The following UNC80 variants were observed in gnomAD, a reference collection of about 807,000 sequenced individuals.
UNC80 encodes the protein unc-80 subunit of NALCN channel complex, also known as protein unc-80 homolog.
UNC80 carries 164 observed loss-of-function variants against 384.6 expected under a neutral mutation model. The ratio of observed to expected loss-of-function variants is 0.43; its 90% CI spans 0.38 to 0.49. The LOEUF (loss-of-function observed/expected upper bound fraction) is 0.49. Ranked by LOEUF, UNC80 falls within the 20% of genes least tolerant of loss-of-function variation. The pLI, the probability that UNC80 is intolerant of heterozygous loss-of-function variation, is 0.00. For missense variants in UNC80, 3,330 were observed against 4,143.0 expected (o/e 0.80, Z 5.39); for synonymous variants, 1,486 against 1,527.8 (o/e 0.97, Z 0.64).
intron 22 of UNC80, among the ~76,000 whole-genome samples, chr2:209,858,801 T>C (rs772204123): frequency 2.6e-5 from 4 of 152,158 alleles, no homozygotes; most frequent in Admixed American, 2.0e-4. Context: ...CAGATTGTGA[T>C]TACTGACATA....
chr2:209,977,417 G>T (rs13426807), intron 58 of UNC80, among the ~76,000 whole-genome samples: 17,413 of 151,934 alleles, frequency 0.11, 2,597 homozygotes, highest in African/African-American at 0.34. Flanking sequence ...ATTTCCTTTT[G>T]GAAAAAGAGA....
intron 29 of UNC80, among the ~76,000 whole-genome samples, chr2:209,909,719 G>A (rs1284578087): frequency 1.3e-5 from 2 of 152,102 alleles, no homozygotes; most frequent in Non-Finnish European, 2.9e-5. Flanking sequence ...AATCAAAAGT[G>A]GTCAGGATGC....
intron 29 of UNC80, among the ~76,000 whole-genome samples, chr2:209,909,932 A>G (rs1356630708): frequency 2.0e-5 from 3 of 151,912 alleles, no homozygotes; most frequent in East Asian, 3.9e-4. Flanking sequence ...AGAGGAATTA[A>G]TCACTAATTT....
At chr2:209,840,485 TTTAA>T in intron 19 of UNC80, 53 bp from the exon 20 acceptor site, 2 of 1,427,754 alleles carry the variant, frequency 1.4e-6, no homozygotes, top group Non-Finnish European at 1.9e-6. Context: ...GACATTTCTG[TTTAA>T]TTGATTGGAT....
chr2:209,844,483 C>CTTTTT (rs1559186010), intron 21 of UNC80, among the ~76,000 whole-genome samples: 1 of 70,936 alleles, frequency 1.4e-5, no homozygotes, highest in Non-Finnish European at 2.8e-5. Flanking sequence ...TTCTTTCCTT[C>CTTTTT]CTTCCTTCCT....
rs112766217 is a variant in UNC80 at position 209,914,490 on chromosome 2, A to T, written c.5029+550A>T. 2.9e-3 allele frequency among the ~76,000 whole-genome samples: 434 copies of T among 152,256 alleles called. 1 individual carries two copies. The highest frequency in any genetic ancestry group is 9.9e-3 in the African/African-American group (413 of 41,526). On this transcript the variant is annotated intron_variant, in intron 31 of 64. Coordinates refer to ENST00000673920, the MANE Select transcript of UNC80 (RefSeq NM_001371986.1). ...TAATTTCAAAATACACGTGATAAAAATTCAAGTAATACAAAATTGTATGAA... is the reference window on the plus strand; with the variant it reads ...TAATTTCAAAATACACGTGATAAAATTTCAAGTAATACAAAATTGTATGAA...
intron 51 of UNC80, among the ~76,000 whole-genome samples, chr2:209,964,111 CAA>C (rs1367869571): frequency 6.6e-6 from 1 of 152,176 alleles, no homozygotes; most frequent in African/African-American, 2.4e-5. Flanking sequence ...TAGATCCTTT[CAA>C]ACAGTTATTC....
intron 21 of UNC80, among the ~76,000 whole-genome samples, chr2:209,847,568 T>C (rs1344839045): frequency 1.3e-5 from 2 of 152,024 alleles, no homozygotes; most frequent in Non-Finnish European, 2.9e-5. Flanking sequence ...TGTCAGTGAA[T>C]GTTTTGATGA....
intron 22 of UNC80, among the ~76,000 whole-genome samples, chr2:209,856,260 A>G (rs1036723933): frequency 6.6e-6 from 1 of 152,112 alleles, no homozygotes; most frequent in African/African-American, 2.4e-5. Context: ...CTTTGGTAAA[A>G]TATTTCATTT....
In UNC80 at chr2:209,840,556, A is replaced by G; in HGVS notation, c.3265A>G (p.Arg1089Gly). Residue 1089 changes from arginine to glycine, a missense_variant, in exon 20 of 65, where the codon AGA (arginine) becomes GGA (glycine). Arg to Gly is a moderately radical substitution (Grantham distance 125). Around this residue, in one of 8 missense-constraint regions of UNC80, gnomAD observed 801 missense variants for 950.8 expected, o/e 0.84. Coordinates refer to ENST00000673920, the MANE Select transcript of UNC80 (RefSeq NM_001371986.1). ...CTATTAAATAGGGAACTGGCTGAAG[A>G]GATCATCCCTCTCAGGCCTGGCAGA... ...LKLPIGNWLK[R>G]SSLSGLADGV... 1.3e-6 allele frequency: 2 copies of G among 1,551,728 alleles called. No homozygotes were observed. The highest frequency in any genetic ancestry group is 2.4e-5 in the South Asian group (2 of 84,056).
chr2:209,814,329 G>T (rs777167972), intron 8 of UNC80, among the ~76,000 whole-genome samples: 1 of 151,682 alleles, frequency 6.6e-6, no homozygotes, highest in Non-Finnish European at 1.5e-5. Flanking sequence ...TCCGCCTACC[G>T]GGTTCACGCC....
intron 56 of UNC80, among the ~76,000 whole-genome samples, chr2:209,974,402 T>C (rs1047565042): frequency 6.6e-6 from 1 of 152,180 alleles, no homozygotes; most frequent in Non-Finnish European, 1.5e-5. Flanking sequence ...ACATGAAGTT[T>C]AGGATTGCAC....
chr2:209,772,650 C>T (rs1049526725), intron 1 of UNC80, among the ~76,000 whole-genome samples: 3 of 152,102 alleles, frequency 2.0e-5, no homozygotes, highest in Non-Finnish European at 2.9e-5. Flanking sequence ...GGACCTTCCC[C>T]CACAACCCCG....
intron 58 of UNC80, 66 bp from the exon 59 acceptor site, chr2:209,978,459 CAGGG>C: frequency 7.6e-7 from 1 of 1,319,426 alleles, no homozygotes. Flanking sequence ...TACAAGTGGT[CAGGG>C]AGGACTTTGA....
At chr2:209,787,664 A>G (rs2077524791) in intron 5 of UNC80, among the ~76,000 whole-genome samples, 1 of 152,176 alleles carries the variant, frequency 6.6e-6, no homozygotes, top group South Asian at 2.1e-4. Context: ...GTTTGTGGTG[A>G]TGCTGGTTTA....
intron 52 of UNC80, 51 bp from the exon 53 acceptor site, chr2:209,969,717 G>C: frequency 6.5e-7 from 1 of 1,546,828 alleles, no homozygotes. Flanking sequence ...ACTTGTTTCA[G>C]ACTCTCCAGA....
At position 209,955,738 on chromosome 2, in the gene UNC80, TAC is replaced by T. The variant is rs1156428874; in HGVS notation, c.7457+1488_7457+1489del. Among the ~76,000 whole-genome samples, 438 of 53,294 alleles carry T rather than the reference TAC, an allele frequency of 8.2e-3. 6 individuals are homozygous for T. The highest frequency in any genetic ancestry group is 0.023 in the African/African-American group (221 of 9,748). The allele number at this position is 53,294 out of a possible 152,430, so 35.0% of individuals were successfully genotyped here. A position where few individuals can be genotyped will look rare whatever the true frequency, so the allele number is the denominator to read the frequency against. ...ATATATATATATATATATATATATA[TAC>T]ACACACACACACACACACAGAGAGA... On this transcript the variant is annotated intron_variant, in intron 48 of 64. Coordinates refer to ENST00000673920, the MANE Select transcript of UNC80 (RefSeq NM_001371986.1).
rs865791169 is a variant in UNC80, at chr2:209,803,510, G to T, written c.938+9651G>T. On this transcript the variant is annotated intron_variant, in intron 7 of 64. Coordinates refer to ENST00000673920, the MANE Select transcript of UNC80 (RefSeq NM_001371986.1). ...TCTATGTGTACAAAATTGTACTAGA[G>T]TCTCTACATTTATTGTATTATTTAA... Among the ~76,000 whole-genome samples the T allele has an allele frequency of 5.3e-5, 8 of 152,102 alleles. 1 individual carries two copies. The highest frequency in any genetic ancestry group is 3.9e-4 in the Admixed American group (6 of 15,278).
intron 16 of UNC80, 73 bp downstream of exon 16, chr2:209,831,664 A>G (rs1216422547): frequency 1.5e-6 from 2 of 1,375,584 alleles, no homozygotes; most frequent in Non-Finnish European, 1.9e-6. Flanking sequence ...TGTCGTGGCC[A>G]TGAGTAAGAG....
Sources: gnomAD v4.1 joint callset for allele counts (sites outside exome capture counted in the v4.1 genomes callset) on GRCh38, gnomAD v4.1.1 for gene constraint, gnomAD v4.1.1 regional missense constraint, MANE v1.5 for transcripts, NCBI Gene and HGNC (gene_info 2026-07-23, HGNC 2026-07-21) for gene names.